Variants in PTPRD observed in about 807,000 individuals in gnomAD.
PTPRD encodes the protein protein tyrosine phosphatase receptor type D.
In PTPRD, 34 loss-of-function variants were observed where a neutral mutation model predicts 214.5. That is an observed-to-expected ratio of 0.16 (90% CI 0.12 to 0.21). The LOEUF is 0.21. Ranked by LOEUF, PTPRD falls within the 10% of genes least tolerant of loss-of-function variation. The probability of loss-of-function intolerance (pLI) is 1.00; values close to 1 mark genes in which losing one functional copy is unlikely to be tolerated. For synonymous variants in PTPRD, 1,128 were observed against 845.7 expected (o/e 1.33, Z -5.79); for missense variants, 2,545 against 2,398.7 (o/e 1.06, Z -1.27).
At chr9:9,463,889 T>G (rs574216869) in intron 8 of PTPRD, among the ~76,000 whole-genome samples, 1 of 152,208 alleles carries the variant, frequency 6.6e-6, no homozygotes, top group African/African-American at 2.4e-5. Flanking sequence ...CCAAATAGTA[T>G]CAAGGAACTG....
chr9:8,417,335 A>T (rs1312460235), intron 35 of PTPRD, among the ~76,000 whole-genome samples: 1 of 152,064 alleles, frequency 6.6e-6, no homozygotes. Context: ...ACACACCATA[A>T]ATTCTGCGGG....
intron 35 of PTPRD, among the ~76,000 whole-genome samples, chr9:8,434,279 C>G (rs2095247816): frequency 6.6e-6 from 1 of 152,164 alleles, no homozygotes; most frequent in African/African-American, 2.4e-5. Flanking sequence ...CTGCGCCCAG[C>G]CTAAAAATCT....
chr9:10,417,280 G>A (rs2098500722), intron 2 of PTPRD, among the ~76,000 whole-genome samples: 1 of 151,832 alleles, frequency 6.6e-6, no homozygotes, highest in African/African-American at 2.4e-5. Context: ...ATCGACCTGT[G>A]TACCTTCTTC....
intron 10 of PTPRD, among the ~76,000 whole-genome samples, chr9:9,071,747 G>A (rs151035551): frequency 1.7e-3 from 255 of 152,170 alleles, no homozygotes; most frequent in South Asian, 3.5e-3. Context: ...TCAAAGAGAG[G>A]GCCCAGATAA....
chr9:9,843,224 A>T (rs1287783039), intron 5 of PTPRD, among the ~76,000 whole-genome samples: 1 of 152,064 alleles, frequency 6.6e-6, no homozygotes, highest in Non-Finnish European at 1.5e-5. Context: ...ACAAGAATTC[A>T]GGTCAAAGTT....
At chr9:10,252,511 G>A (rs1219243331) in intron 3 of PTPRD, among the ~76,000 whole-genome samples, 3 of 150,974 alleles carry the variant, frequency 2.0e-5, no homozygotes, top group Admixed American at 6.6e-5. Flanking sequence ...AAACCCTGAG[G>A]GAAAGCCACC....
At chr9:10,093,977 A>C (rs1224059752) in intron 3 of PTPRD, among the ~76,000 whole-genome samples, 1 of 151,384 alleles carries the variant, frequency 6.6e-6, no homozygotes, top group African/African-American at 2.4e-5. Flanking sequence ...AAAAATCCCT[A>C]TAGGGTACTA....
intron 11 of PTPRD, among the ~76,000 whole-genome samples, chr9:8,945,201 CA>C (rs2099056333): frequency 6.6e-6 from 1 of 151,758 alleles, no homozygotes; most frequent in Admixed American, 6.6e-5. Context: ...ATTTATCAAA[CA>C]GAAAATCATT....
At chr9:9,435,328 T>A (rs528027912) in intron 8 of PTPRD, among the ~76,000 whole-genome samples, 1 of 151,854 alleles carries the variant, frequency 6.6e-6, no homozygotes, top group South Asian at 2.1e-4. Context: ...CCAGTCAACA[T>A]AGTGAGAACC....
At chr9:10,465,478 G>A (rs775919740) in intron 2 of PTPRD, among the ~76,000 whole-genome samples, 21 of 151,988 alleles carry the variant, frequency 1.4e-4, no homozygotes, top group African/African-American at 2.9e-4. Flanking sequence ...AAAGAGTGTC[G>A]TCATGTGCCA....
intron 10 of PTPRD, among the ~76,000 whole-genome samples, chr9:9,103,726 A>T (rs1256735299): frequency 6.6e-6 from 1 of 152,172 alleles, no homozygotes; most frequent in East Asian, 1.9e-4. Context: ...CATGCCTGTA[A>T]TACCAGCCCT....
intron 5 of PTPRD, among the ~76,000 whole-genome samples, chr9:9,814,269 G>A (rs1312497809): frequency 3.4e-5 from 5 of 147,798 alleles, no homozygotes; most frequent in Admixed American, 2.7e-4. Context: ...ACTTCTATTC[G>A]ATGTAATAAC....
rs910728178 is a variant in PTPRD at position 10,142,655 on chromosome 9, G to C, written c.-544-108865C>G. 2.2e-3 allele frequency among the ~76,000 whole-genome samples: 319 copies of C among 148,368 alleles called. 3 individuals carry two copies. The highest frequency in any genetic ancestry group is 7.7e-3 in the African/African-American group (311 of 40,220). On this transcript the variant is annotated intron_variant, in intron 3 of 45. Coordinates refer to ENST00000381196, the MANE Select transcript of PTPRD (RefSeq NM_002839.4). ...TGCTGGAGAGGATGTGGAGAAATAGGAACACTTTTACACTGTTGGTGGGAC... is the reference window on the plus strand; with the variant it reads ...TGCTGGAGAGGATGTGGAGAAATAGCAACACTTTTACACTGTTGGTGGGAC...
chr9:8,594,729 G>C (rs997450110), intron 14 of PTPRD, among the ~76,000 whole-genome samples: 1 of 152,080 alleles, frequency 6.6e-6, no homozygotes, highest in African/African-American at 2.4e-5. Context: ...TTTCTGCCAT[G>C]ATTCTAAGTT....
At chr9:9,923,665 T>C (rs72692739) in intron 5 of PTPRD, among the ~76,000 whole-genome samples, 4 of 152,142 alleles carry the variant, frequency 2.6e-5, no homozygotes, top group Non-Finnish European at 5.9e-5. Context: ...TTCATAATTG[T>C]GAGCAAGAAT....
intron 2 of PTPRD, among the ~76,000 whole-genome samples, chr9:10,497,107 T>C (rs2042289604): frequency 6.6e-6 from 1 of 151,832 alleles, no homozygotes; most frequent in Non-Finnish European, 1.5e-5. Context: ...TGGGCACACA[T>C]GGACATAAAC....
intron 39 of PTPRD, among the ~76,000 whole-genome samples, chr9:8,342,378 ACTCT>A (rs1853293786): frequency 1.3e-5 from 2 of 152,026 alleles, no homozygotes; most frequent in African/African-American, 2.4e-5. Flanking sequence ...GTTCTTGCAA[ACTCT>A]CTCAATCTGT....
intron 3 of PTPRD, among the ~76,000 whole-genome samples, chr9:10,110,038 T>G (rs779298875): frequency 2.0e-5 from 3 of 152,066 alleles, no homozygotes; most frequent in Non-Finnish European, 4.4e-5. Flanking sequence ...ATGCATTGTG[T>G]GAGGAAAAAT....
intron 3 of PTPRD, among the ~76,000 whole-genome samples, chr9:10,071,566 C>T (rs1003501283): frequency 6.6e-6 from 1 of 151,510 alleles, no homozygotes; most frequent in Non-Finnish European, 1.5e-5. Context: ...TGTCTATATG[C>T]AAAAAAAGGA....
Sources: allele counts gnomAD v4.1 joint callset (sites outside exome capture counted in the v4.1 genomes callset), GRCh38; gene constraint gnomAD v4.1.1; transcripts MANE v1.5; gene names NCBI Gene and HGNC (gene_info 2026-07-23, HGNC 2026-07-21).